The following CHDH variants were observed in gnomAD, a reference collection of about 807,000 sequenced individuals.
CHDH encodes choline dehydrogenase.
Under a neutral mutation model 56.9 loss-of-function variants are expected in CHDH, and 43 were observed. That is an observed-to-expected ratio of 0.76 (90% CI 0.59 to 0.97). The LOEUF is 0.97. Among genes scored for constraint, CHDH ranks in the 50% least tolerant of loss-of-function variants. The pLI, the probability that CHDH is intolerant of heterozygous loss-of-function variation, is 0.00. For missense variants in CHDH, 816 were observed against 821.1 expected (o/e 0.99, Z 0.08); for synonymous variants, 364 against 348.5 (o/e 1.04, Z -0.50).
At chr3:53,822,748 GC>G in intron 3 of CHDH, 106 bp from the exon 4 acceptor site, 20 of 1,350,950 alleles carry the variant, frequency 1.5e-5, no homozygotes, top group Non-Finnish European at 2.0e-5. Flanking sequence ...AGCTCTGACT[GC>G]AAGTCCCGCC....
At chr3:53,825,945 AC>A (rs2095638311) in intron 2 of CHDH, among the ~76,000 whole-genome samples, 1 of 152,062 alleles carries the variant, frequency 6.6e-6, no homozygotes, top group African/African-American at 2.4e-5. Context: ...AGAAAAAAAA[AC>A]CTCTAGTCCT....
rs1040516680 is a variant in CHDH at position 53,822,368 on chromosome 3, C to T, written c.855+123G>A. 2.2e-5 allele frequency: 20 copies of T among 909,950 alleles called. 1 individual carries two copies. Among genetic ancestry groups the T allele is most frequent in the East Asian group, 7.7e-5 (3 of 38,786 alleles). The allele number at this position is 909,950 out of a possible 1,614,324, so 56.4% of individuals were successfully genotyped here. A position where few individuals can be genotyped will look rare whatever the true frequency, so the allele number is the denominator to read the frequency against. On this transcript the variant is annotated intron_variant, in intron 4 of 8. Coordinates refer to ENST00000315251, the MANE Select transcript of CHDH (RefSeq NM_018397.5). The stretch of plus-strand genomic sequence containing the variant: ...GCCATCAGCTACTCGCCCCTCCCCC[C>T]GCCATCACAGGGATGAGCACGTGGG...
In CHDH at chr3:53,816,890, G is replaced by C. The variant is rs985098683; in HGVS notation, c.*887C>G. ...AGACAGGGTCTCACCCTGTCACCCA[G>C]GCTGGAGTGCAGTGGTGCCATCAGG... On this transcript the variant is annotated 3_prime_UTR_variant, in exon 9 of 9. Transcript: ENST00000315251. The C allele has an allele frequency of 5.1e-5, 7 of 137,976 alleles. No homozygotes were observed. The highest frequency in any genetic ancestry group is 2.0e-4 in the African/African-American group (7 of 35,678). 8.5% of individuals were successfully genotyped at this position (137,976 alleles called of 1,614,324 possible). A position where few individuals can be genotyped will look rare whatever the true frequency, so the allele number is the denominator to read the frequency against.
Position 53,823,474 on chromosome 3 carries a change from G to T in CHDH, c.535C>A (p.Arg179=). The change falls in exon 3 of 9, where the codon CGG becomes AGG. Residue 179 remains arginine, a synonymous_variant. Coordinates refer to ENST00000315251, the MANE Select transcript of CHDH (RefSeq NM_018397.5). ...KAQGHELGAS[R]YRGADGPLRV... ...AGCGGGCCATCGGCGCCCCGGTACCGGCTGGCGCCCAGCTCGTGGCCCTGC... is the reference window on the plus strand; with the variant it reads ...AGCGGGCCATCGGCGCCCCGGTACCTGCTGGCGCCCAGCTCGTGGCCCTGC... 1 of 1,550,128 alleles carries T rather than the reference G, an allele frequency of 6.5e-7. No homozygotes were observed. Among genetic ancestry groups the T allele is most frequent in the Non-Finnish European group, 8.7e-7 (1 of 1,148,312 alleles).
intron 6 of CHDH, among the ~76,000 whole-genome samples, chr3:53,820,006 C>T (rs1369928998): frequency 6.6e-6 from 1 of 152,248 alleles, no homozygotes; most frequent in Non-Finnish European, 1.5e-5. Flanking sequence ...GTGAGAAATA[C>T]AGACTGAGTG....
In CHDH at chr3:53,819,265, A is replaced by G. The variant is rs1427284294; in HGVS notation, c.1264-225T>C. On this transcript the variant is annotated intron_variant, in intron 7 of 8. Coordinates refer to ENST00000315251, the MANE Select transcript of CHDH (RefSeq NM_018397.5). The surrounding 1 kb of genome is among the most constrained non-coding windows in gnomAD (Gnocchi z 5.4). The stretch of plus-strand genomic sequence containing the variant: ...TCATACTCCATGGCTCAAAGCTTTC[A>G]GAGGTGGTGATCCCAGAGCCAAGTC... Among the ~76,000 whole-genome samples, 1 of 152,192 alleles carries G rather than the reference A, an allele frequency of 6.6e-6. No individual in the cohort carries two copies.
intron 8 of CHDH, among the ~76,000 whole-genome samples, 166 bp downstream of exon 8, chr3:53,818,772 G>A (rs371632948): frequency 2.1e-4 from 32 of 152,308 alleles, no homozygotes; most frequent in African/African-American, 7.7e-4. Flanking sequence ...AGGACACTAC[G>A]GGGCTGCCTA....
At chr3:53,826,457 G>A (rs1396096763) in intron 2 of CHDH, among the ~76,000 whole-genome samples, 1 of 152,122 alleles carries the variant, frequency 6.6e-6, no homozygotes, top group African/African-American at 2.4e-5. Context: ...AAGTATGCAA[G>A]ACTGGTTCAA....
At chr3:53,837,956 C>A (rs751172024) in intron 2 of CHDH, among the ~76,000 whole-genome samples, 19 of 144,566 alleles carry the variant, frequency 1.3e-4, no homozygotes, top group Non-Finnish European at 2.5e-4. Context: ...CTACTCGAGG[C>A]TTAGGCAAAA....
Position 53,815,796 on chromosome 3 carries a change from C to A in CHDH, c.*1981G>T, listed in dbSNP as rs1400382262. On this transcript the variant is annotated 3_prime_UTR_variant, in exon 9 of 9. Transcript: ENST00000315251. ...ACTATCCCCTGCCCCTGAATCCACACACGCTCCAGCAGGAAAGCTGCACGA... is the reference window on the plus strand; with the variant it reads ...ACTATCCCCTGCCCCTGAATCCACAAACGCTCCAGCAGGAAAGCTGCACGA... The A allele has an allele frequency of 6.6e-6, 1 of 152,272 alleles. No homozygotes were observed. The highest frequency in any genetic ancestry group is 1.5e-5 in the Non-Finnish European group (1 of 68,100). 9.4% of individuals were successfully genotyped at this position (152,272 alleles called of 1,614,324 possible). A position where few individuals can be genotyped will look rare whatever the true frequency, so the allele number is the denominator to read the frequency against.
Position 53,819,716 on chromosome 3 carries a change from C to T in CHDH, c.1121-42G>A, listed in dbSNP as rs1055261026. 70 of 1,516,782 alleles carry T rather than the reference C, an allele frequency of 4.6e-5. No homozygotes were observed. Among genetic ancestry groups the T allele is most frequent in the Non-Finnish European group, 5.9e-5 (67 of 1,130,972 alleles). The allele number at this position is 1,516,782 out of a possible 1,614,324, so 94.0% of individuals were successfully genotyped here. A position where few individuals can be genotyped will look rare whatever the true frequency, so the allele number is the denominator to read the frequency against. ...GATGAGGCAGAAGAGCCAGTCAGGCCGTGGCAGGTGGGCCGGCTGCTCCTG... is the reference window on the plus strand; with the variant it reads ...GATGAGGCAGAAGAGCCAGTCAGGCTGTGGCAGGTGGGCCGGCTGCTCCTG... On this transcript the variant is annotated intron_variant, in intron 6 of 8. Coordinates refer to ENST00000315251, the MANE Select transcript of CHDH (RefSeq NM_018397.5). The surrounding 1 kb of genome is among the most constrained non-coding windows in gnomAD (Gnocchi z 5.4).
chr3:53,827,165 A>T (rs1417405223), intron 2 of CHDH, among the ~76,000 whole-genome samples: 2 of 152,144 alleles, frequency 1.3e-5, no homozygotes, highest in Non-Finnish European at 2.9e-5. Flanking sequence ...AATTGTAATC[A>T]CCAATGTTGG....
intron 2 of CHDH, among the ~76,000 whole-genome samples, chr3:53,840,463 G>C (rs55974100): frequency 0.22 from 33,542 of 151,916 alleles, 4,591 homozygotes; most frequent in Non-Finnish European, 0.31. Flanking sequence ...AGGAGTTCAA[G>C]GTTACGTGAG....
At chr3:53,835,700 C>T (rs1436212076) in intron 2 of CHDH, among the ~76,000 whole-genome samples, 4 of 152,200 alleles carry the variant, frequency 2.6e-5, no homozygotes, top group Admixed American at 2.6e-4. Flanking sequence ...TCTGATCATA[C>T]AGCTCCATTA....
At position 53,814,767 on chromosome 3, in the gene CHDH, C is replaced by G. The variant is rs2095612929; in HGVS notation, c.*3010G>C. 1 of 152,162 alleles carries G rather than the reference C, an allele frequency of 6.6e-6. No homozygotes were observed. The allele number at this position is 152,162 out of a possible 1,614,324, so 9.4% of individuals were successfully genotyped here. A position where few individuals can be genotyped will look rare whatever the true frequency, so the allele number is the denominator to read the frequency against. On this transcript the variant is annotated 3_prime_UTR_variant, in exon 9 of 9. Transcript: ENST00000315251. ...CTGCGCCACCCAGGTTCAAGCGATT[C>G]TCCTGTATCGGCCTCCCAAGTAGCT...
rs13080845 is a variant in CHDH, at chr3:53,837,372, C to T, written c.-60+3557G>A. Reference sequence around the variant, plus strand: ...GCCCCTTGTGCCCTGGCTGCTCGGGCGTAGCCCACCTGCCCTCTGGATCCT... The same window carrying T: ...GCCCCTTGTGCCCTGGCTGCTCGGGTGTAGCCCACCTGCCCTCTGGATCCT... On this transcript the variant is annotated intron_variant, in intron 2 of 8. Coordinates refer to ENST00000315251, the MANE Select transcript of CHDH (RefSeq NM_018397.5). 4.7e-3 allele frequency among the ~76,000 whole-genome samples: 722 copies of T among 152,344 alleles called. 5 individuals are homozygous for T. The highest frequency in any genetic ancestry group is 7.2e-3 in the Non-Finnish European group (491 of 68,036).
rs1215105136 is a variant in CHDH at position 53,818,956 on chromosome 3, G to A, written c.1348C>T (p.Pro450Ser). Residue 450 changes from proline (P) to serine (S), a missense_variant, in exon 8 of 9, where the codon CCC becomes TCC. Coordinates refer to ENST00000315251, the MANE Select transcript of CHDH (RefSeq NM_018397.5). The part of the protein sequence containing the change: ...ANPQDHPVIQ[P>S]NYLSTETDIE... Reference sequence around the variant, plus strand: ...GAAGTACCTGTTGACAAGTAGTTGGGCTGGATCACAGGGTGGTCTTGGGGA... The same window carrying A: ...GAAGTACCTGTTGACAAGTAGTTGGACTGGATCACAGGGTGGTCTTGGGGA... 6.2e-7 allele frequency: 1 copy of A among 1,612,430 alleles called. No individual in the cohort carries two copies. Among genetic ancestry groups the A allele is most frequent in the South Asian group, 1.1e-5 (1 of 91,036 alleles).
Position 53,823,814 on chromosome 3 carries a change from C to T in CHDH, c.195G>A (p.Glu65=). 6.3e-7 allele frequency: 1 copy of T among 1,586,054 alleles called. No individual in the cohort carries two copies. Among genetic ancestry groups the T allele is most frequent in the South Asian group, 1.1e-5 (1 of 88,772 alleles). The change falls in exon 3 of 9, where the codon GAG becomes GAA. Residue 65 remains glutamate, a synonymous_variant. Transcript: ENST00000315251. ...GCCCGGCCTCCAGCAGCAGCACGCG[C>T]TCGGCGGGGTCCTCCGTGAGCCTCC... ...LAGRLTEDPA[E]RVLLLEAGPK...
intron 5 of CHDH, 114 bp downstream of exon 5, chr3:53,821,532 GT>G (rs1425320742): frequency 2.1e-6 from 2 of 930,520 alleles, no homozygotes; most frequent in Non-Finnish European, 3.4e-6. Flanking sequence ...CAATGTGATA[GT>G]TCCAAGGATC....
Sources: allele counts gnomAD v4.1 joint callset (sites outside exome capture counted in the v4.1 genomes callset), GRCh38; gene constraint gnomAD v4.1.1; non-coding constraint Gnocchi (gnomAD v3.1); transcripts MANE v1.5; gene names NCBI Gene and HGNC (gene_info 2026-07-23, HGNC 2026-07-21).